The following ASCC1 variants were observed in gnomAD, a reference collection of about 807,000 sequenced individuals.
ASCC1 encodes ASC-1 complex subunit P50.
Under a neutral mutation model 46.6 loss-of-function variants are expected in ASCC1, and 35 were observed. That is an observed-to-expected ratio of 0.75 (90% CI 0.57 to 0.99). ASCC1 has a LOEUF of 0.99. Among genes scored for constraint, ASCC1 ranks in the 50% least tolerant of loss-of-function variants. The probability of loss-of-function intolerance (pLI) is 0.00; values close to 1 mark genes in which losing one functional copy is unlikely to be tolerated. For synonymous variants in ASCC1, 143 were observed against 146.6 expected (o/e 0.98, Z 0.18); for missense variants, 376 against 428.7 (o/e 0.88, Z 1.09).
chr10:72,175,553 A>G (rs1207260682), intron 5 of ASCC1, among the ~76,000 whole-genome samples: 1 of 152,232 alleles, frequency 6.6e-6, no homozygotes, highest in African/African-American at 2.4e-5. Flanking sequence ...CCTGGCTTAT[A>G]AATTCTATTT....
At chr10:72,103,423 C>T (rs573213891) in intron 9 of ASCC1, among the ~76,000 whole-genome samples, 8 of 152,230 alleles carry the variant, frequency 5.3e-5, no homozygotes, top group African/African-American at 9.6e-5. Flanking sequence ...TGAGCCACCG[C>T]GCCCGGCCAA....
At chr10:72,136,998 C>T (rs184752073) in intron 7 of ASCC1, among the ~76,000 whole-genome samples, 13 of 152,158 alleles carry the variant, frequency 8.5e-5, no homozygotes, top group African/African-American at 2.2e-4. Context: ...CGAGGGTCCG[C>T]GGCCTCATTC....
At chr10:72,163,618 C>T (rs1025757892) in intron 5 of ASCC1, among the ~76,000 whole-genome samples, 3 of 151,786 alleles carry the variant, frequency 2.0e-5, no homozygotes, top group Non-Finnish European at 4.4e-5. Context: ...GCCTGTAATC[C>T]CAGCTACTAC....
intron 9 of ASCC1, among the ~76,000 whole-genome samples, chr10:72,111,986 A>G (rs1443175961): frequency 6.6e-6 from 1 of 152,154 alleles, no homozygotes; most frequent in Non-Finnish European, 1.5e-5. Flanking sequence ...TAGCATAGTG[A>G]GCTTCACTCT....
chr10:72,132,355 G>C (rs1454634672), intron 8 of ASCC1, among the ~76,000 whole-genome samples: 1 of 152,148 alleles, frequency 6.6e-6, no homozygotes, highest in Non-Finnish European at 1.5e-5. Flanking sequence ...TGGAGATAGG[G>C]ACAGGAAGAA....
intron 5 of ASCC1, among the ~76,000 whole-genome samples, chr10:72,192,568 A>G (rs780948579): frequency 1.9e-4 from 29 of 152,184 alleles, no homozygotes; most frequent in Non-Finnish European, 3.4e-4. Flanking sequence ...ATCTTGGCTC[A>G]CTGCAACCTC....
intron 7 of ASCC1, among the ~76,000 whole-genome samples, chr10:72,138,788 T>G (rs1009774518): frequency 1.3e-4 from 20 of 152,038 alleles, no homozygotes; most frequent in African/African-American, 4.1e-4. Flanking sequence ...GGCAGGCTGA[T>G]CCACTGACCT....
chr10:72,207,257 C>CA (rs1211849493), intron 3 of ASCC1, among the ~76,000 whole-genome samples: 1 of 151,824 alleles, frequency 6.6e-6, no homozygotes, highest in East Asian at 1.9e-4. Flanking sequence ...AACAAAAACA[C>CA]AAAAAAATTA....
chr10:72,133,681 G>C, intron 7 of ASCC1: 1 of 179,088 alleles, frequency 5.6e-6, no homozygotes. Flanking sequence ...GCAGTGGTCA[G>C]ATTAGGGAAG....
intron 5 of ASCC1, among the ~76,000 whole-genome samples, chr10:72,196,472 G>A (rs1374711187): frequency 2.0e-5 from 3 of 151,890 alleles, no homozygotes; most frequent in African/African-American, 7.3e-5. Context: ...AGTAGAGACG[G>A]GGTTTCACCA....
chr10:72,190,685 T>A (rs927928055), intron 5 of ASCC1: 2 of 653,490 alleles, frequency 3.1e-6, no homozygotes, highest in South Asian at 2.0e-5. Flanking sequence ...ATTTAATGAA[T>A]GCTTTGTCAA....
intron 5 of ASCC1, among the ~76,000 whole-genome samples, chr10:72,191,796 G>A (rs993759695): frequency 2.0e-5 from 3 of 151,638 alleles, no homozygotes; most frequent in African/African-American, 2.4e-5. Context: ...ACAGGTGCCC[G>A]CCACCATGCC....
At chr10:72,189,836 T>C (rs1334136268) in intron 5 of ASCC1, 1 of 421,034 alleles carries the variant, frequency 2.4e-6, no homozygotes, top group Non-Finnish European at 4.1e-6. Context: ...ACCAAAGACA[T>C]GAACCATTGT....
rs376786499 is a variant in ASCC1 at position 72,190,967 on chromosome 10, G to T, written c.489+5844C>A. Among the ~76,000 whole-genome samples, 129 of 132,690 alleles carry T rather than the reference G, an allele frequency of 9.7e-4. 2 individuals are homozygous for T. The highest frequency in any genetic ancestry group is 3.2e-3 in the African/African-American group (105 of 33,128). The allele number at this position is 132,690 out of a possible 152,430, so 87.0% of individuals were successfully genotyped here. ...GCCAAGATCGCGCCATTGCACTCCAGCCTTGGCGACAGAGCGAGACGCCGT... is the reference window on the plus strand; with the variant it reads ...GCCAAGATCGCGCCATTGCACTCCATCCTTGGCGACAGAGCGAGACGCCGT... On this transcript the variant is annotated intron_variant, in intron 5 of 9. Transcript: ENST00000672957.
At chr10:72,183,271 G>A (rs141736890) in intron 5 of ASCC1, among the ~76,000 whole-genome samples, 5,252 of 152,164 alleles carry the variant, frequency 0.035, 312 homozygotes, top group African/African-American at 0.12. Flanking sequence ...TGGAACTCCC[G>A]ACCTCAGGTG....
intron 7 of ASCC1, among the ~76,000 whole-genome samples, chr10:72,150,139 C>G: frequency 6.6e-6 from 1 of 151,560 alleles, no homozygotes. Context: ...GAGCTGAGAT[C>G]ACACCACTGC....
Position 72,152,738 on chromosome 10 carries a change from AAAAG to A in ASCC1, c.746+127_746+130del, listed in dbSNP as rs1848512941. ...CAAGAGATTAACTTACTATTAAAAA[AAAAG>A]AGAGAGAAATAATTAACATGTTCTT... On this transcript the variant is annotated intron_variant, in intron 7 of 9. Transcript: ENST00000672957. 3.8e-5 allele frequency: 44 copies of A among 1,151,040 alleles called. No homozygotes were observed. The East Asian group carries it at 1.0e-3, about 27-fold the overall frequency. 71.3% of individuals were successfully genotyped at this position (1,151,040 alleles called of 1,614,324 possible). A position where few individuals can be genotyped will look rare whatever the true frequency, so the allele number is the denominator to read the frequency against.
chr10:72,109,385 G>T (rs371005971), intron 9 of ASCC1, among the ~76,000 whole-genome samples: 1 of 152,164 alleles, frequency 6.6e-6, no homozygotes, highest in African/African-American at 2.4e-5. Flanking sequence ...GACTGAGATG[G>T]CATTCCTTGC....
At chr10:72,173,095 T>C (rs1350085549) in intron 5 of ASCC1, among the ~76,000 whole-genome samples, 1 of 150,166 alleles carries the variant, frequency 6.7e-6, no homozygotes, top group Non-Finnish European at 1.5e-5. Context: ...AATCAAGACT[T>C]AACTAGTAGA....
Sources: gnomAD v4.1 joint callset for allele counts (sites outside exome capture counted in the v4.1 genomes callset) on GRCh38, gnomAD v4.1.1 for gene constraint, MANE v1.5 for transcripts, NCBI Gene and HGNC (gene_info 2026-07-23, HGNC 2026-07-21) for gene names.